The following RBBP8 variants were observed in gnomAD, a reference collection of about 807,000 sequenced individuals.
The protein encoded by RBBP8 is RB binding protein 8, endonuclease.
Under a neutral mutation model 108.3 loss-of-function variants are expected in RBBP8, and 88 were observed. The observed-to-expected ratio is 0.81, with a 90% CI of 0.68 to 0.97. The LOEUF (loss-of-function observed/expected upper bound fraction) is 0.97, where lower values mean the gene tolerates loss of function less well. Among genes scored for constraint, RBBP8 ranks in the 50% least tolerant of loss-of-function variants. The probability of loss-of-function intolerance (pLI) is 0.00; values close to 1 mark genes in which losing one functional copy is unlikely to be tolerated. For synonymous variants in RBBP8, 332 were observed against 348.2 expected (o/e 0.95, Z 0.52); for missense variants, 1,023 against 1,049.0 (o/e 0.98, Z 0.34).
At chr18:22,943,019 G>A (rs990336983) in intron 2 of RBBP8, among the ~76,000 whole-genome samples, 5 of 151,896 alleles carry the variant, frequency 3.3e-5, no homozygotes, top group African/African-American at 1.2e-4. Flanking sequence ...GGCTCTAATA[G>A]GACAGGATAA....
chr18:22,969,286 A>G (rs539403994), intron 5 of RBBP8, among the ~76,000 whole-genome samples: 1 of 151,994 alleles, frequency 6.6e-6, no homozygotes, highest in African/African-American at 2.4e-5. Flanking sequence ...ATTGTTCTAC[A>G]CTTGTTTTCT....
intron 5 of RBBP8, among the ~76,000 whole-genome samples, chr18:22,971,267 T>C (rs1914058671): frequency 6.6e-6 from 1 of 152,320 alleles, no homozygotes; most frequent in East Asian, 1.9e-4. Flanking sequence ...TAAGGATTTC[T>C]GAGGTCTTTC....
At chr18:22,927,444 C>A (rs2144351227) in intron 3 of RBBP8, among the ~76,000 whole-genome samples, 1 of 152,226 alleles carries the variant, frequency 6.6e-6, no homozygotes, top group East Asian at 1.9e-4. Context: ...AAGTAAATCA[C>A]ACAACCTCAT....
intron 5 of RBBP8, 139 bp downstream of exon 5, chr18:22,969,057 T>C: frequency 3.0e-6 from 2 of 668,542 alleles, no homozygotes; most frequent in South Asian, 1.8e-5. Context: ...TCCTTTTTTG[T>C]ACTTTTTGTA....
intron 12 of RBBP8, 129 bp downstream of exon 12, chr18:22,993,976 T>C (rs995011061): frequency 1.1e-5 from 10 of 912,438 alleles, no homozygotes; most frequent in Non-Finnish European, 1.5e-5. Flanking sequence ...TCTGTATTTA[T>C]AGGACGATTC....
At chr18:23,005,605 G>T (rs2046029055) in intron 15 of RBBP8, among the ~76,000 whole-genome samples, 1 of 151,932 alleles carries the variant, frequency 6.6e-6, no homozygotes, top group South Asian at 2.1e-4. Flanking sequence ...TAGAGACAGG[G>T]TTTCACCATG....
chr18:23,019,789 TCTCA>T (rs2046318641), intron 17 of RBBP8, among the ~76,000 whole-genome samples: 3 of 135,218 alleles, frequency 2.2e-5, no homozygotes. Context: ...TGAGTTGGAG[TCTCA>T]CTCTGTTGCC....
chr18:23,014,578 A>G (rs1462914688), intron 16 of RBBP8, among the ~76,000 whole-genome samples: 2 of 152,182 alleles, frequency 1.3e-5, no homozygotes, highest in African/African-American at 4.8e-5. Flanking sequence ...GGCTGCAGTA[A>G]GCTATGCTCA....
intron 4 of RBBP8, among the ~76,000 whole-genome samples, chr18:22,957,777 A>C (rs546567080): frequency 6.6e-6 from 1 of 152,346 alleles, no homozygotes; most frequent in South Asian, 2.1e-4. Flanking sequence ...GCAATCAAAA[A>C]TTGACCCTTT....
intron 2 of RBBP8, among the ~76,000 whole-genome samples, chr18:22,915,934 T>TA (rs1909338423): frequency 6.6e-6 from 1 of 152,102 alleles, no homozygotes; most frequent in African/African-American, 2.4e-5. Context: ...TTTACAATTT[T>TA]CATTTAATGG....
exon 1 of RBBP8, chr18:22,914,153 TCTTC>T (rs1029965946): frequency 6.6e-6 from 1 of 152,210 alleles, no homozygotes; most frequent in South Asian, 2.1e-4. Context: ...GCAGCAGAAC[TCTTC>T]CACATAGCAG....
At chr18:22,927,389 A>G (rs1909827911) in intron 3 of RBBP8, among the ~76,000 whole-genome samples, 1 of 152,204 alleles carries the variant, frequency 6.6e-6, no homozygotes, top group Admixed American at 6.5e-5. Flanking sequence ...AGCAGAAATA[A>G]ACGAAGAATT....
exon 2 of RBBP8, chr18:22,915,445 CCTACTT>C (rs1371029066): frequency 6.6e-6 from 1 of 152,130 alleles, no homozygotes; most frequent in Admixed American, 6.5e-5. Context: ...GCTTCATAGT[CCTACTT>C]CTAGGCAGTT....
At chr18:23,016,800 T>G in intron 16 of RBBP8, 28 bp from the exon 17 acceptor site, 1 of 1,449,840 alleles carries the variant, frequency 6.9e-7, no homozygotes, top group Non-Finnish European at 9.7e-7. Flanking sequence ...ACTCTAAGCT[T>G]TGTTAATTTA....
At chr18:22,917,479 C>A (rs1003817730) in intron 3 of RBBP8, among the ~76,000 whole-genome samples, 2 of 152,172 alleles carry the variant, frequency 1.3e-5, no homozygotes, top group African/African-American at 4.8e-5. Context: ...AATGAGATAT[C>A]ATGTAAAACA....
chr18:23,016,412 T>TAC (rs1356102916), intron 16 of RBBP8, among the ~76,000 whole-genome samples: 3 of 151,868 alleles, frequency 2.0e-5, no homozygotes, highest in Admixed American at 2.0e-4. Context: ...GGCGTGGTGG[T>TAC]ACAGGCCTGT....
chr18:22,926,360 T>C (rs566312831), intron 3 of RBBP8, among the ~76,000 whole-genome samples: 1 of 152,210 alleles, frequency 6.6e-6, no homozygotes, highest in African/African-American at 2.4e-5. Flanking sequence ...GAGGCGGAGG[T>C]TGCAGTGAGC....
intron 5 of RBBP8, among the ~76,000 whole-genome samples, chr18:22,972,599 A>G (rs1057348133): frequency 6.6e-6 from 1 of 151,922 alleles, no homozygotes; most frequent in Non-Finnish European, 1.5e-5. Context: ...TTTTTAGTAG[A>G]GATGGGGTTT....
At chr18:22,941,666 G>A (rs1217490982) in intron 2 of RBBP8, among the ~76,000 whole-genome samples, 1 of 152,012 alleles carries the variant, frequency 6.6e-6, no homozygotes. Flanking sequence ...CAAATATTAT[G>A]TAGTAGATAA....
Sources: gnomAD v4.1 joint callset for allele counts (sites outside exome capture counted in the v4.1 genomes callset) on GRCh38, gnomAD v4.1.1 for gene constraint, MANE v1.5 for transcripts, NCBI Gene and HGNC (gene_info 2026-07-23, HGNC 2026-07-21) for gene names.